The following DHX9 variants were observed in gnomAD, a reference collection of about 807,000 sequenced individuals.
DHX9 encodes DExH-box helicase 9, also known as ATP-dependent RNA helicase A.
DHX9 carries 27 observed loss-of-function variants against 148.7 expected under a neutral mutation model. The ratio of observed to expected loss-of-function variants is 0.18; its 90% confidence interval spans 0.13 to 0.25. DHX9 has a LOEUF of 0.25. Ranked by LOEUF, DHX9 falls within the 10% of genes least tolerant of loss-of-function variation. DHX9 has a pLI of 1.00. For missense variants in DHX9, 796 were observed against 1,559.6 expected, an observed-to-expected ratio of 0.51 and a Z score of 8.25; for synonymous variants, 529 against 516.6, an observed-to-expected ratio of 1.02 and a Z score of -0.33.
In DHX9 at chr1:182,880,583, A is replaced by G; in HGVS notation, c.2599A>G (p.Met867Val). 1.2e-6 allele frequency: 2 copies of G among 1,613,014 alleles called. No homozygotes were observed. Among genetic ancestry groups the G allele is most frequent in the Non-Finnish European group, 1.7e-6 (2 of 1,179,090 alleles). Residue 867 changes from methionine (M) to valine (V), a missense_variant, in exon 22 of 28, where the codon ATG becomes GTG. Physicochemically the swap from Met to Val is conservative, Grantham distance 21. Around this residue, in one of 14 missense-constraint regions of DHX9, gnomAD observed 122 missense variants for 289.3 expected, o/e 0.42. Transcript: ENST00000367549. ...CCCCATTGAGCCTCGTTTTGGCAAAATGATGATAATGGGGTGTATTTTCTA... is the reference window on the plus strand; with the variant it reads ...CCCCATTGAGCCTCGTTTTGGCAAAGTGATGATAATGGGGTGTATTTTCTA... The part of the protein sequence containing the change: ...KLPIEPRFGK[M>V]MIMGCIFYVG...
At chr1:182,848,487 G>A (rs1020281588) in intron 3 of DHX9, among the ~76,000 whole-genome samples, 8 of 152,306 alleles carry the variant, frequency 5.3e-5, no homozygotes, top group Non-Finnish European at 1.0e-4. Flanking sequence ...ATGTAAGTTC[G>A]TGAGGGCAGG....
intron 14 of DHX9, 139 bp downstream of exon 14, chr1:182,867,182 C>A: frequency 3.6e-6 from 2 of 556,392 alleles, no homozygotes; most frequent in Non-Finnish European, 6.2e-6. Context: ...TGTTGAAAAT[C>A]TTTTTTTAGT....
At chr1:182,876,606 C>G (rs1016316354) in intron 18 of DHX9, 65 bp downstream of exon 18, 4 of 1,451,172 alleles carry the variant, frequency 2.8e-6, no homozygotes, top group African/African-American at 1.4e-5. Context: ...ATGTTACAGG[C>G]TTTCAAAGAG....
chr1:182,866,971 G>A lies in DHX9; in HGVS notation c.1485G>A (p.Leu495=), dbSNP rs1446383023. The change falls in exon 14 of 28, where the codon CTG becomes CTA. Residue 495 remains leucine, a synonymous_variant. Transcript: ENST00000367549. ...GTTTTTCTTTTCAAGGTGTGCTCCT[G>A]AGAAAATTAGAAGCAGGCATTCGAG... ...SIMFCTVGVL[L]RKLEAGIRGI... is the part of the protein sequence containing the mutation. The A allele has an allele frequency of 1.2e-6, 2 of 1,606,272 alleles. No individual in the cohort carries two copies. The highest frequency in any genetic ancestry group is 4.5e-5 in the East Asian group (2 of 44,586).
rs1649384264 is a variant in DHX9 at position 182,887,414 on chromosome 1, A to G, written c.3793A>G (p.Arg1265Gly). 1.2e-6 allele frequency: 2 copies of G among 1,613,346 alleles called. No individual in the cohort carries two copies. Among genetic ancestry groups the G allele is most frequent in the Admixed American group, 1.7e-5 (1 of 59,956 alleles). ...TGGAACTGGCTACTTTGGACAGGGA[A>G]GAGGAGGTGGCGGCTATTAAAACTT... ...AYGTGYFGQG[R>G]GGGGY The change falls in exon 28 of 28, where the codon AGA becomes GGA. Residue 1265 changes from arginine to glycine, a missense_variant. Coordinates refer to ENST00000367549, the MANE Select transcript of DHX9 (RefSeq NM_001357.5).
chr1:182,885,859 A>G (rs1465045758), intron 27 of DHX9, among the ~76,000 whole-genome samples: 1 of 152,230 alleles, frequency 6.6e-6, no homozygotes, highest in Non-Finnish European at 1.5e-5. Context: ...CAGATAACAA[A>G]TGAAGTATTC....
chr1:182,872,425 G>C lies in DHX9; in HGVS notation c.1646G>C (p.Ser549Thr). 1.2e-6 allele frequency: 2 copies of C among 1,613,982 alleles called. No individual in the cohort carries two copies. The highest frequency in any genetic ancestry group is 1.7e-6 in the Non-Finnish European group (2 of 1,179,968). ...CTTATGTCTGCTACTATTGATACCA[G>C]CATGTTTTGTGAATATTTCTTCAAT... ...IVLMSATIDT[S>T]MFCEYFFNCP... The change falls in exon 15 of 28, where the codon AGC becomes ACC. Residue 549 changes from serine (S) to threonine (T), a missense_variant. Coordinates refer to ENST00000367549, the MANE Select transcript of DHX9 (RefSeq NM_001357.5).
In DHX9 at chr1:182,884,759, G is replaced by A; in HGVS notation, c.3407G>A (p.Arg1136His). 1.2e-6 allele frequency: 2 copies of A among 1,614,076 alleles called. No individual in the cohort carries two copies. The highest frequency in any genetic ancestry group is 8.5e-7 in the Non-Finnish European group (1 of 1,180,014). ...AATGAACGTATGCTGAACATGATCC[G>A]TCAGATCTCTAGACCCTCAGCTGCT... is the stretch of plus-strand genomic sequence containing the variant. ...PVNERMLNMI[R>H]QISRPSAAGI... The change falls in exon 27 of 28, where the codon CGT becomes CAT. Residue 1136 changes from arginine (R) to histidine (H), a missense_variant. Transcript: ENST00000367549.
Position 182,876,133 on chromosome 1 carries a change from T to G in DHX9, c.1899T>G (p.Pro633=). 6.2e-7 allele frequency: 1 copy of G among 1,614,024 alleles called. No individual in the cohort carries two copies. The highest frequency in any genetic ancestry group is 8.5e-7 in the Non-Finnish European group (1 of 1,179,898). ...SMSQLNEKET[P]FELIEALLKY... Reference sequence around the variant, plus strand: ...CTCAATTGAACGAAAAGGAAACTCCTTTTGAACTCATCGAGGCTCTACTTA... The same window carrying G: ...CTCAATTGAACGAAAAGGAAACTCCGTTTGAACTCATCGAGGCTCTACTTA... The change falls in exon 17 of 28, where the codon CCT becomes CCG. Residue 633 remains proline, a synonymous_variant. Transcript: ENST00000367549.
chr1:182,878,665 G>C (rs189722150), intron 20 of DHX9, among the ~76,000 whole-genome samples: 13 of 152,356 alleles, frequency 8.5e-5, no homozygotes, highest in Admixed American at 5.2e-4. Context: ...CTTGGGACCA[G>C]AAGTGGTTTT....
chr1:182,860,560 C>T (rs1668342874), intron 12 of DHX9, among the ~76,000 whole-genome samples: 1 of 152,158 alleles, frequency 6.6e-6, no homozygotes, highest in Non-Finnish European at 1.5e-5. Context: ...ATGCCATGTT[C>T]TATTCTAAGC....
chr1:182,876,428 G>C lies in DHX9; in HGVS notation c.2030-19G>C. The C allele has an allele frequency of 6.2e-7, 1 of 1,606,754 alleles. No homozygotes were observed. The highest frequency in any genetic ancestry group is 8.5e-7 in the Non-Finnish European group (1 of 1,173,684). ...CAGCTCCTGTTTTTAGTCCCTGATT[G>C]TTCTTTATTGTTATATAGGAAGCCA... is the stretch of plus-strand genomic sequence containing the variant. On this transcript the variant is annotated intron_variant, in intron 17 of 27. Transcript: ENST00000367549.
At position 182,885,219 on chromosome 1, in the gene DHX9, TAAAC is replaced by T. The variant is rs1402890296; in HGVS notation, c.3461+409_3461+412del. On this transcript the variant is annotated intron_variant, in intron 27 of 27. Coordinates refer to ENST00000367549, the MANE Select transcript of DHX9 (RefSeq NM_001357.5). ...AATGTATATGTGTTTTTGTTTATCTTAAACAACTAGAGCATGGATATCTTAAAGA... is the reference window on the plus strand; with the variant it reads ...AATGTATATGTGTTTTTGTTTATCTTAACTAGAGCATGGATATCTTAAAGA... Among the ~76,000 whole-genome samples, 4 of 152,228 alleles carry T rather than the reference TAAAC, an allele frequency of 2.6e-5. No individual in the cohort carries two copies. The East Asian group carries it at 5.8e-4, about 22-fold the overall frequency.
chr1:182,877,991 T>G (rs1446448166), intron 19 of DHX9, 30 bp from the exon 20 acceptor site: 1 of 1,612,954 alleles, frequency 6.2e-7, no homozygotes. Context: ...TACACATGAG[T>G]CTTAGAATTA....
Position 182,876,868 on chromosome 1 carries a change from C to G in DHX9, c.2163C>G (p.Thr721=). ...CAAATATTGCTGAAACAAGCATTAC[C>G]ATAAACGATGTTGTTTATGTCATTG... ...LSTNIAETSI[T]INDVVYVIDS... is the part of the protein sequence containing the mutation. Residue 721 remains threonine, a synonymous_variant, in exon 19 of 28, where the codon ACC becomes ACG. Transcript: ENST00000367549. 1 of 1,612,098 alleles carries G rather than the reference C, an allele frequency of 6.2e-7. No individual in the cohort carries two copies. Among genetic ancestry groups the G allele is most frequent in the South Asian group, 1.1e-5 (1 of 90,824 alleles).
intron 3 of DHX9, among the ~76,000 whole-genome samples, chr1:182,843,966 C>CT (rs1188332168): frequency 2.0e-5 from 3 of 152,086 alleles, no homozygotes; most frequent in Non-Finnish European, 2.9e-5. Context: ...CTGGCAAGTT[C>CT]TTTGTGTTTT....
chr1:182,860,822 A>G (rs1668349278), intron 12 of DHX9, among the ~76,000 whole-genome samples: 1 of 152,244 alleles, frequency 6.6e-6, no homozygotes, highest in Non-Finnish European at 1.5e-5. Context: ...TACTTAGGGA[A>G]GAACTGATTA....
intron 12 of DHX9, among the ~76,000 whole-genome samples, chr1:182,865,573 C>A (rs1355831332): frequency 1.3e-5 from 2 of 152,180 alleles, no homozygotes; most frequent in African/African-American, 4.8e-5. Context: ...CAAAATTCTA[C>A]ACAGTATGTT....
At chr1:182,861,355 A>G (rs1047621511) in intron 12 of DHX9, among the ~76,000 whole-genome samples, 2 of 152,164 alleles carry the variant, frequency 1.3e-5, no homozygotes, top group African/African-American at 2.4e-5. Flanking sequence ...CTGGCTATGG[A>G]TTTTTTGACT....
Sources: gnomAD v4.1 joint callset for allele counts (sites outside exome capture counted in the v4.1 genomes callset) on GRCh38, gnomAD v4.1.1 for gene constraint, gnomAD v4.1.1 regional missense constraint, MANE v1.5 for transcripts, NCBI Gene and HGNC (gene_info 2026-07-23, HGNC 2026-07-21) for gene names.